TMEM38B: variants seen among roughly 807,000 people sequenced by gnomAD.
The protein encoded by TMEM38B is trimeric intracellular cation channel type B.
Under a neutral mutation model 28.7 loss-of-function variants are expected in TMEM38B, and 24 were observed. That is an observed-to-expected ratio of 0.84 (90% CI 0.61 to 1.18). The LOEUF is 1.18. Ranked by LOEUF, TMEM38B falls within the 50% of genes most tolerant of loss-of-function variation. The probability of loss-of-function intolerance (pLI) is 0.00; values close to 1 mark genes in which losing one functional copy is unlikely to be tolerated. For missense variants in TMEM38B, 380 were observed against 350.9 expected (o/e 1.08, Z -0.66); for synonymous variants, 131 against 127.7 (o/e 1.03, Z -0.17).
At chr9:105,702,612 G>A (rs1411593771) in intron 1 of TMEM38B, 1 of 152,182 alleles carries the variant, frequency 6.6e-6, no homozygotes, top group South Asian at 2.1e-4. Flanking sequence ...GATTTTAAAT[G>A]TATTTATGGA....
chr9:105,750,708 A>C lies in TMEM38B; in HGVS notation c.660+2518A>C, dbSNP rs757224381. The stretch of plus-strand genomic sequence containing the variant: ...TATTCTTTGTGTGTCATAGCTAAGA[A>C]ACCGTTGCCAAATCTAAGGTCATGA... On this transcript the variant is annotated intron_variant, in intron 5 of 5. Coordinates refer to ENST00000374692, the MANE Select transcript of TMEM38B (RefSeq NM_018112.3). 2.0e-5 allele frequency among the ~76,000 whole-genome samples: 3 copies of C among 152,336 alleles called. No individual in the cohort carries two copies. The South Asian group carries it at 6.2e-4, about 32-fold the overall frequency.
intron 2 of TMEM38B, among the ~76,000 whole-genome samples, chr9:105,721,029 C>T (rs1375726135): frequency 6.6e-6 from 1 of 152,126 alleles, no homozygotes. Flanking sequence ...TGTGAGCCGT[C>T]ATGTACCTTT....
chr9:105,754,516 T>C (rs767537194), intron 5 of TMEM38B, among the ~76,000 whole-genome samples: 17 of 152,148 alleles, frequency 1.1e-4, no homozygotes, highest in Non-Finnish European at 2.1e-4. Context: ...AACAACCTGC[T>C]CCTGAACGAC....
At chr9:105,764,241 G>C (rs1335315829) in intron 5 of TMEM38B, among the ~76,000 whole-genome samples, 1 of 152,158 alleles carries the variant, frequency 6.6e-6, no homozygotes, top group South Asian at 2.1e-4. Context: ...GGGCAATTAA[G>C]CAGGAGAAGG....
At chr9:105,760,121 T>C in intron 5 of TMEM38B, 1 of 881,728 alleles carries the variant, frequency 1.1e-6, no homozygotes, top group Non-Finnish European at 1.9e-6. Context: ...ATCGATGCGC[T>C]ACAATTGTGT....
intron 2 of TMEM38B, 121 bp from the exon 3 acceptor site, chr9:105,721,416 T>A (rs888012625): frequency 1.3e-6 from 1 of 759,918 alleles, no homozygotes; most frequent in South Asian, 2.4e-5. Flanking sequence ...TCAAGTTAAA[T>A]GTTTATATGG....
At chr9:105,726,742 T>C (rs987644852) in intron 4 of TMEM38B, among the ~76,000 whole-genome samples, 1 of 152,168 alleles carries the variant, frequency 6.6e-6, no homozygotes, top group Non-Finnish European at 1.5e-5. Context: ...TTGGTCCAAT[T>C]AATTTGTAAC....
chr9:105,710,541 G>T, intron 2 of TMEM38B: 2 of 1,053,042 alleles, frequency 1.9e-6, no homozygotes, highest in Non-Finnish European at 3.0e-6. Flanking sequence ...ATTTCAATCT[G>T]CCCTCCACAA....
chr9:105,748,150 A>G lies in TMEM38B; in HGVS notation c.620A>G (p.Asn207Ser). ...CAGCATCTGGCAATATCAAAGCATAATCTTATGTTCCTTTATACCATCTTT... is the reference window on the plus strand; with the variant it reads ...CAGCATCTGGCAATATCAAAGCATAGTCTTATGTTCCTTTATACCATCTTT... The part of the protein sequence containing the change: ...HTQHLAISKH[N>S]LMFLYTIFIV... The change falls in exon 5 of 6, where the codon AAT (asparagine) becomes AGT (serine). Residue 207 changes from asparagine (N) to serine (S), a missense_variant. By Grantham distance (46) the Asn-to-Ser change is conservative. Coordinates refer to ENST00000374692, the MANE Select transcript of TMEM38B (RefSeq NM_018112.3). 6.2e-7 allele frequency: 1 copy of G among 1,613,534 alleles called. No homozygotes were observed. The highest frequency in any genetic ancestry group is 1.3e-5 in the African/African-American group (1 of 75,022).
intron 5 of TMEM38B, chr9:105,760,564 A>G: frequency 1.3e-6 from 1 of 743,744 alleles, no homozygotes; most frequent in Non-Finnish European, 2.4e-6. Context: ...AGAAAATGTT[A>G]TTAAAAACAA....
chr9:105,749,825 A>G (rs1195320967), intron 5 of TMEM38B, among the ~76,000 whole-genome samples: 1 of 152,216 alleles, frequency 6.6e-6, no homozygotes, highest in Non-Finnish European at 1.5e-5. Context: ...TGAGCTGTGA[A>G]CATTCATGTA....
intron 5 of TMEM38B, among the ~76,000 whole-genome samples, chr9:105,754,590 G>C (rs1837768550): frequency 1.3e-5 from 2 of 152,188 alleles, no homozygotes; most frequent in Admixed American, 6.5e-5. Context: ...TGAGAACAAA[G>C]AGACAGCATA....
intron 5 of TMEM38B, among the ~76,000 whole-genome samples, chr9:105,764,630 T>G (rs1023551871): frequency 6.6e-6 from 1 of 151,588 alleles, no homozygotes; most frequent in African/African-American, 2.4e-5. Flanking sequence ...GTAAGAAGAA[T>G]CAATATCGTG....
chr9:105,746,145 G>C (rs1426128498), intron 4 of TMEM38B, among the ~76,000 whole-genome samples: 1 of 152,096 alleles, frequency 6.6e-6, no homozygotes, highest in Non-Finnish European at 1.5e-5. Flanking sequence ...GATGGGGATG[G>C]CATTGAATCT....
chr9:105,758,175 G>A (rs777580776), intron 5 of TMEM38B: 22 of 635,644 alleles, frequency 3.5e-5, no homozygotes, highest in African/African-American at 3.3e-4. Flanking sequence ...TGGAGAGTTG[G>A]GGTGTGCCTC....
intron 1 of TMEM38B, chr9:105,701,591 A>G (rs1245057538): frequency 6.6e-6 from 1 of 152,214 alleles, no homozygotes; most frequent in Non-Finnish European, 1.5e-5. Flanking sequence ...TTCTGTGTTT[A>G]TAATTCATAG....
chr9:105,705,880 G>T, intron 2 of TMEM38B, 127 bp downstream of exon 2: 1 of 975,060 alleles, frequency 1.0e-6, no homozygotes, highest in Non-Finnish European at 1.5e-6. Flanking sequence ...CTGCAAGGAA[G>T]GAACCCAAAT....
intron 5 of TMEM38B, among the ~76,000 whole-genome samples, chr9:105,765,587 G>C (rs1025220856): frequency 6.6e-6 from 1 of 152,122 alleles, no homozygotes; most frequent in Non-Finnish European, 1.5e-5. Context: ...TTCATATGGA[G>C]TCATATAGTA....
rs186717653 is a variant in TMEM38B at position 105,769,963 on chromosome 9, C to T, written c.661-3902C>T. On this transcript the variant is annotated intron_variant, in intron 5 of 5. Coordinates refer to ENST00000374692, the MANE Select transcript of TMEM38B (RefSeq NM_018112.3). The stretch of plus-strand genomic sequence containing the variant: ...AGGAGGAGGAGATAGTTTTAAAGAG[C>T]GTAGATGTGCTGAATACTGATGAGA... Among the ~76,000 whole-genome samples, 30 of 151,950 alleles carry T rather than the reference C, an allele frequency of 2.0e-4. 1 individual carries two copies. Among genetic ancestry groups the T allele is most frequent in the Middle Eastern group, 3.4e-3 (1 of 292 alleles).
Sources: allele counts gnomAD v4.1 joint callset (sites outside exome capture counted in the v4.1 genomes callset), GRCh38; gene constraint gnomAD v4.1.1; transcripts MANE v1.5; gene names NCBI Gene and HGNC (gene_info 2026-07-23, HGNC 2026-07-21).